The following GAB4 variants were observed in gnomAD, a reference collection of about 807,000 sequenced individuals.
The protein encoded by GAB4 is GRB2 associated binding protein family member 4, also known as GRB2-associated-binding protein 4.
A neutral mutation model predicts 51.3 loss-of-function variants in GAB4; 26 were observed. The ratio of observed to expected loss-of-function variants is 0.51; its 90% confidence interval spans 0.37 to 0.70. The LOEUF is 0.70. GAB4 is among the 30% of genes least tolerant of loss of function. The pLI is 0.00. For synonymous variants in GAB4, 329 were observed against 291.2 expected, an observed-to-expected ratio of 1.13 and a Z score of -1.32; for missense variants, 759 against 734.6, an observed-to-expected ratio of 1.03 and a Z score of -0.38.
At chr22:16,971,040 A>G (rs969401317) in intron 3 of GAB4, among the ~76,000 whole-genome samples, 1 of 152,084 alleles carries the variant, frequency 6.6e-6, no homozygotes, top group Middle Eastern at 3.4e-3. Flanking sequence ...TTCCAAAAAA[A>G]AAAAAAAATT....
At position 16,966,380 on chromosome 22, in the gene GAB4, T is replaced by C. The variant is rs2060675445; in HGVS notation, c.1024-16A>G. ...TTCTTCCTGGCTAGGAAGAGGACAG[T>C]GAAAGAAACACAGCTATCACCAGCA... is the stretch of plus-strand genomic sequence containing the variant. On this transcript the variant is annotated splice_polypyrimidine_tract_variant and intron_variant, in intron 5 of 9. Coordinates refer to ENST00000400588, the MANE Select transcript of GAB4 (RefSeq NM_001037814.1). 10 of 1,602,324 alleles carry C rather than the reference T, an allele frequency of 6.2e-6. No homozygotes were observed. The highest frequency in any genetic ancestry group is 1.1e-5 in the South Asian group (1 of 90,798).
chr22:17,004,969 C>T lies in GAB4; in HGVS notation c.174+2972G>A, dbSNP rs1259465680. ...ACAAGGATGCCCTCTCTCACCACTCCTATTCAACATAGTATTGGAAGTTCT... is the reference window on the plus strand; with the variant it reads ...ACAAGGATGCCCTCTCTCACCACTCTTATTCAACATAGTATTGGAAGTTCT... On this transcript the variant is annotated intron_variant, in intron 1 of 9. Coordinates refer to ENST00000400588, the MANE Select transcript of GAB4 (RefSeq NM_001037814.1). Among the ~76,000 whole-genome samples, 12 of 152,322 alleles carry T rather than the reference C, an allele frequency of 7.9e-5. No homozygotes were observed. In the East Asian group the frequency reaches 2.3e-3, roughly 29 times the overall value.
Position 16,965,266 on chromosome 22 carries a change from T to C in GAB4, c.1291A>G (p.Asn431Asp). 2 of 1,613,604 alleles carry C rather than the reference T, an allele frequency of 1.2e-6. No homozygotes were observed. Among genetic ancestry groups the C allele is most frequent in the Non-Finnish European group, 1.7e-6 (2 of 1,179,666 alleles). ...TTTCTCAGGTTGGGCGGTGTTGGGT[T>C]GGCTGGAGCAGGAAAAGAACCTTGT... ...NRSLKPNQKA[N>D]PTPPNLRNNR... Residue 431 changes from asparagine (N) to aspartate (D), a missense_variant and splice_region_variant, in exon 7 of 10, where the codon AAC becomes GAC. Physicochemically the swap from Asn to Asp is conservative, Grantham distance 23 (BLOSUM62 1). Coordinates refer to ENST00000400588, the MANE Select transcript of GAB4 (RefSeq NM_001037814.1).
intron 1 of GAB4, among the ~76,000 whole-genome samples, chr22:16,997,615 C>A (rs1202691458): frequency 1.3e-5 from 2 of 152,318 alleles, no homozygotes; most frequent in African/African-American, 4.8e-5. Flanking sequence ...ATGGTAGTTT[C>A]TCTTGCTGTG....
At chr22:16,971,253 A>G (rs960962059) in intron 3 of GAB4, among the ~76,000 whole-genome samples, 2 of 152,184 alleles carry the variant, frequency 1.3e-5, no homozygotes, top group African/African-American at 4.8e-5. Flanking sequence ...GGCAAGTAGT[A>G]AAAAGAGAAT....
rs981491512 is a variant in GAB4, at chr22:16,988,241, G to A, written c.479-74C>T. On this transcript the variant is annotated intron_variant, in intron 2 of 9. Coordinates refer to ENST00000400588, the MANE Select transcript of GAB4 (RefSeq NM_001037814.1). ...CTAGAGGCAGAAACACATGAAGACA[G>A]TGGCGGTAATCCAGCACCAGCACTC... 4.1e-6 allele frequency: 4 copies of A among 979,326 alleles called. No homozygotes were observed. The Admixed American group carries it at 7.8e-5, about 19-fold the overall frequency. 60.7% of individuals were successfully genotyped at this position (979,326 alleles called of 1,614,324 possible).
intron 4 of GAB4, chr22:16,969,656 C>G (rs564214081): frequency 3.1e-6 from 2 of 646,272 alleles, no homozygotes; most frequent in Non-Finnish European, 5.5e-6. Context: ...GGGTATTCCG[C>G]CTGGGGATGG....
At chr22:16,994,597 C>T (rs1412091444) in intron 1 of GAB4, among the ~76,000 whole-genome samples, 1 of 152,172 alleles carries the variant, frequency 6.6e-6, no homozygotes, top group African/African-American at 2.4e-5. Context: ...AATTATGCAG[C>T]CGTATTTCCA....
chr22:16,994,599 G>C (rs770956688), intron 1 of GAB4, among the ~76,000 whole-genome samples: 1 of 152,162 alleles, frequency 6.6e-6, no homozygotes, highest in African/African-American at 2.4e-5. Flanking sequence ...TTATGCAGCC[G>C]TATTTCCATA....
chr22:16,992,209 A>G (rs769168040), intron 1 of GAB4, 33 bp from the exon 2 acceptor site: 4 of 1,570,326 alleles, frequency 2.5e-6, no homozygotes, highest in Admixed American at 3.5e-5. Context: ...GGAAGCATGC[A>G]TTTGTTATTA....
rs756318346 is a variant in GAB4, at chr22:16,965,165, G to A, written c.1379+13C>T. 2 of 1,601,760 alleles carry A rather than the reference G, an allele frequency of 1.2e-6. No homozygotes were observed. Among genetic ancestry groups the A allele is most frequent in the East Asian group, 4.5e-5 (2 of 44,814 alleles). Reference sequence around the variant, plus strand: ...CCGGTCCCAAGCTCCTGTTTCCACTGACAGACACTCACCTGGTCCCAGACC... The same window carrying A: ...CCGGTCCCAAGCTCCTGTTTCCACTAACAGACACTCACCTGGTCCCAGACC... On this transcript the variant is annotated intron_variant, in intron 7 of 9. Coordinates refer to ENST00000400588, the MANE Select transcript of GAB4 (RefSeq NM_001037814.1).
chr22:16,980,985 C>T (rs1467818549), intron 3 of GAB4, among the ~76,000 whole-genome samples: 1 of 151,868 alleles, frequency 6.6e-6, no homozygotes, highest in Non-Finnish European at 1.5e-5. Flanking sequence ...GGGAGGGAAA[C>T]ATCACACATC....
At chr22:16,991,786 G>T in intron 2 of GAB4, 87 bp downstream of exon 2, 1 of 1,158,570 alleles carries the variant, frequency 8.6e-7, no homozygotes, top group Non-Finnish European at 1.2e-6. Flanking sequence ...TCTTGGCAGT[G>T]TTGGCAGCTA....
chr22:16,979,303 CCTT>C (rs771188217), intron 3 of GAB4, among the ~76,000 whole-genome samples: 15 of 152,190 alleles, frequency 9.9e-5, no homozygotes, highest in Non-Finnish European at 2.1e-4. Flanking sequence ...CCCCAAATCT[CCTT>C]AAGCTGATAA....
chr22:16,973,652 G>T (rs1248240339), intron 3 of GAB4, among the ~76,000 whole-genome samples: 1 of 152,154 alleles, frequency 6.6e-6, no homozygotes, highest in Non-Finnish European at 1.5e-5. Context: ...AGAATTACTG[G>T]TCCCTAACTC....
Position 16,969,980 on chromosome 22 carries a change from G to T in GAB4, c.900C>A (p.Thr300=). 1 of 1,614,182 alleles carries T rather than the reference G, an allele frequency of 6.2e-7. No individual in the cohort carries two copies. Among genetic ancestry groups the T allele is most frequent in the South Asian group, 1.1e-5 (1 of 91,086 alleles). Residue 300 remains threonine, a synonymous_variant, in exon 4 of 10, where the codon ACC becomes ACA. Coordinates refer to ENST00000400588, the MANE Select transcript of GAB4 (RefSeq NM_001037814.1). ...CCTCAGAGCCTGTGAGGCTGCCTCTGGTGTGGCCATGGGAGGCCAGGCTCC... is the reference window on the plus strand; with the variant it reads ...CCTCAGAGCCTGTGAGGCTGCCTCTTGTGTGGCCATGGGAGGCCAGGCTCC... ...IPWSLASHGH[T]RGSLTGSEAD... is the part of the protein sequence containing the mutation.
At chr22:17,000,426 TA>T (rs939744198) in intron 1 of GAB4, among the ~76,000 whole-genome samples, 1 of 152,236 alleles carries the variant, frequency 6.6e-6, no homozygotes, top group African/African-American at 2.4e-5. Flanking sequence ...TTTGTTGGTT[TA>T]AAGTCTGTTT....
At chr22:16,968,161 T>G (rs900080593) in intron 5 of GAB4, 137 bp downstream of exon 5, 1 of 667,192 alleles carries the variant, frequency 1.5e-6, no homozygotes, top group East Asian at 2.7e-5. Flanking sequence ...CCTATGGTTC[T>G]GAACTGAGGC....
intron 3 of GAB4, among the ~76,000 whole-genome samples, chr22:16,983,865 G>A (rs2060845630): frequency 6.6e-6 from 1 of 152,126 alleles, no homozygotes; most frequent in African/African-American, 2.4e-5. Context: ...AGAAAACATT[G>A]AGAAAACACT....
Sources: allele counts gnomAD v4.1 joint callset (sites outside exome capture counted in the v4.1 genomes callset), GRCh38; gene constraint gnomAD v4.1.1; transcripts MANE v1.5; gene names NCBI Gene and HGNC (gene_info 2026-07-23, HGNC 2026-07-21).